ZC3H7A: variants seen among roughly 807,000 people sequenced by gnomAD.
The protein encoded by ZC3H7A is zinc finger CCCH domain-containing protein 7A.
A neutral mutation model predicts 125.5 loss-of-function variants in ZC3H7A; 44 were observed. The ratio of observed to expected loss-of-function variants is 0.35; its 90% CI spans 0.28 to 0.45. The LOEUF (loss-of-function observed/expected upper bound fraction) is 0.45. Among genes scored for constraint, ZC3H7A ranks in the 20% least tolerant of loss-of-function variants. The pLI, the probability that ZC3H7A is intolerant of heterozygous loss-of-function variation, is 1.00. For synonymous variants in ZC3H7A, 399 were observed against 391.2 expected (o/e 1.02, Z -0.23); for missense variants, 977 against 1,170.7 (o/e 0.83, Z 2.41).
intron 3 of ZC3H7A, among the ~76,000 whole-genome samples, chr16:11,780,005 G>A (rs1016674004): frequency 1.3e-5 from 2 of 152,062 alleles, no homozygotes; most frequent in African/African-American, 2.4e-5. Context: ...GATTTGGGGG[G>A]AGGGGGATGT....
intron 1 of ZC3H7A, among the ~76,000 whole-genome samples, chr16:11,791,593 G>A (rs984033443): frequency 3.3e-5 from 5 of 152,234 alleles, no homozygotes; most frequent in African/African-American, 9.6e-5. Flanking sequence ...GCAGCCCAGT[G>A]TAAAGAGAAT....
At chr16:11,767,757 G>A (rs746002734) in intron 12 of ZC3H7A, among the ~76,000 whole-genome samples, 179 bp from the exon 13 acceptor site, 5 of 151,942 alleles carry the variant, frequency 3.3e-5, no homozygotes, top group Non-Finnish European at 7.4e-5. Context: ...CTTTTATAAT[G>A]TATCAGACAA....
At chr16:11,796,337 G>C (rs1478219511) in intron 1 of ZC3H7A, 1 of 152,230 alleles carries the variant, frequency 6.6e-6, no homozygotes, top group Non-Finnish European at 1.5e-5. Context: ...CCAAACGGCG[G>C]GGGGTCAGTG....
At chr16:11,795,833 G>C (rs1358552022) in intron 1 of ZC3H7A, among the ~76,000 whole-genome samples, 1 of 152,060 alleles carries the variant, frequency 6.6e-6, no homozygotes, top group Non-Finnish European at 1.5e-5. Context: ...TGTTTGTTTT[G>C]AGACAGTGTC....
chr16:11,776,970 C>T, intron 4 of ZC3H7A, 61 bp from the exon 5 acceptor site: 1 of 1,411,466 alleles, frequency 7.1e-7, no homozygotes, highest in Non-Finnish European at 9.4e-7. Flanking sequence ...TGCACTGAGG[C>T]CTTCCTGTAA....
chr16:11,761,254 A>G, intron 19 of ZC3H7A, 152 bp downstream of exon 19: 1 of 711,706 alleles, frequency 1.4e-6, no homozygotes, highest in Non-Finnish European at 2.3e-6. Flanking sequence ...ACATATACTA[A>G]AGGGAAGGAA....
chr16:11,765,414 T>C lies in ZC3H7A; in HGVS notation c.1719+75A>G, dbSNP rs2052838074. 1 of 1,050,356 alleles carries C rather than the reference T, an allele frequency of 9.5e-7. No homozygotes were observed. The highest frequency in any genetic ancestry group is 1.3e-6 in the Non-Finnish European group (1 of 745,812). 65.1% of individuals were successfully genotyped at this position (1,050,356 alleles called of 1,614,324 possible). ...TTATTCATTTACCAAGTGAATGTTT[T>C]ATCACATGGCAGGACAATACCACTG... On this transcript the variant is annotated intron_variant, in intron 14 of 22. Transcript: ENST00000355758. The surrounding 1 kb of genome is among the most constrained non-coding windows in gnomAD (Gnocchi z 4.8).
rs2052920667 is a variant in ZC3H7A at position 11,769,051 on chromosome 16, T to G, written c.1153A>C (p.Ser385Arg). The G allele has an allele frequency of 6.2e-7, 1 of 1,609,726 alleles. No homozygotes were observed. Among genetic ancestry groups the G allele is most frequent in the Admixed American group, 1.7e-5 (1 of 58,868 alleles). Residue 385 changes from serine (S) to arginine (R), a missense_variant, in exon 11 of 23, where the codon AGT (serine) becomes CGT (arginine). By Grantham distance (110) the Ser-to-Arg change is moderately radical. Around this residue, in one of 3 missense-constraint regions of ZC3H7A, gnomAD observed 342 missense variants for 311.3 expected, o/e 1.10. Transcript: ENST00000355758. ...CTTACAAGTAAAAGGGAAGAATTAC[T>G]GTTGTTAAGCGGTGTTCCCTCTCTA... Reference protein sequence around the residue: ...TSREGTPLNNSNSSLLLMNGP... With the variant: ...TSREGTPLNNRNSSLLLMNGP...
chr16:11,772,360 T>C (rs76691828), intron 9 of ZC3H7A, among the ~76,000 whole-genome samples: 3,497 of 151,684 alleles, frequency 0.023, 194 homozygotes, highest in African/African-American at 0.081. Context: ...CAACTCTAAC[T>C]TCCCCAGGCC....
intron 12 of ZC3H7A, among the ~76,000 whole-genome samples, 194 bp from the exon 13 acceptor site, chr16:11,767,772 A>G (rs2052886501): frequency 6.6e-6 from 1 of 152,082 alleles, no homozygotes; most frequent in African/African-American, 2.4e-5. Context: ...AGACAACACA[A>G]TGTTCTATTC....
chr16:11,778,828 C>T (rs571641871), intron 4 of ZC3H7A, among the ~76,000 whole-genome samples: 23 of 152,086 alleles, frequency 1.5e-4, no homozygotes, highest in Non-Finnish European at 2.9e-4. Context: ...ATTCTCCTGC[C>T]TCAGCCTCCC....
At chr16:11,755,521 CG>C (rs1452027621) in intron 21 of ZC3H7A, among the ~76,000 whole-genome samples, 8 of 152,136 alleles carry the variant, frequency 5.3e-5, no homozygotes, top group African/African-American at 1.7e-4. Context: ...AGACTGCAGG[CG>C]TAAGCGGGGA....
chr16:11,789,211 T>C (rs1225608860), intron 1 of ZC3H7A, among the ~76,000 whole-genome samples: 1 of 152,074 alleles, frequency 6.6e-6, no homozygotes, highest in African/African-American at 2.4e-5. Context: ...TTCCTGTGAG[T>C]CTATAATTAT....
intron 1 of ZC3H7A, 50 bp from the exon 2 acceptor site, chr16:11,782,438 C>G: frequency 2.7e-6 from 4 of 1,502,676 alleles, no homozygotes; most frequent in Non-Finnish European, 2.8e-6. Context: ...GGTCCCTGGA[C>G]TCCAATGAAA....
intron 9 of ZC3H7A, among the ~76,000 whole-genome samples, chr16:11,771,397 A>G (rs962627718): frequency 2.9e-5 from 4 of 136,260 alleles, no homozygotes; most frequent in Admixed American, 1.4e-4. Flanking sequence ...CCAAAAAAAT[A>G]AAAAAAAAAA....
In ZC3H7A at chr16:11,776,766, G is replaced by A; in HGVS notation, c.450C>T (p.Ser150=). 2 of 1,609,206 alleles carry A rather than the reference G, an allele frequency of 1.2e-6. No homozygotes were observed. The highest frequency in any genetic ancestry group is 1.7e-6 in the Non-Finnish European group (2 of 1,178,592). The change falls in exon 5 of 23, where the codon TCC becomes TCT. Residue 150 remains serine (S), a synonymous_variant. Transcript: ENST00000355758. ...KKAYDAVAKC[S]LAVPQDEHVI... ...AATTCCATACCTGAGGCACTGCTAA[G>A]GAGCACTTTGCTACAGCATCGTAAG...
At chr16:11,791,725 TG>T (rs1353187113) in intron 1 of ZC3H7A, among the ~76,000 whole-genome samples, 8 of 152,144 alleles carry the variant, frequency 5.3e-5, no homozygotes, top group Non-Finnish European at 7.4e-5. Flanking sequence ...CTGGTTATAG[TG>T]GGGCTTGGCC....
intron 1 of ZC3H7A, among the ~76,000 whole-genome samples, chr16:11,791,422 A>G (rs1048012282): frequency 6.6e-6 from 1 of 152,108 alleles, no homozygotes; most frequent in Non-Finnish European, 1.5e-5. Context: ...GTGGGCTTAA[A>G]TAACACTGTT....
intron 3 of ZC3H7A, among the ~76,000 whole-genome samples, chr16:11,780,113 CT>C (rs971476261): frequency 8.9e-5 from 13 of 146,032 alleles, no homozygotes; most frequent in East Asian, 2.0e-4. Context: ...TAGTTTAGTT[CT>C]TTTTTTTCTT....
Sources: gnomAD v4.1 joint callset for allele counts (sites outside exome capture counted in the v4.1 genomes callset) on GRCh38, gnomAD v4.1.1 for gene constraint, gnomAD v4.1.1 regional missense constraint, Gnocchi (gnomAD v3.1) non-coding constraint, MANE v1.5 for transcripts, NCBI Gene and HGNC (gene_info 2026-07-23, HGNC 2026-07-21) for gene names.